Variants in CEP85 observed in about 807,000 individuals in gnomAD.
CEP85 encodes centrosomal protein of 85 kDa.
CEP85 carries 58 observed loss-of-function variants against 93.7 expected under a neutral mutation model. The observed-to-expected ratio is 0.62, with a 90% CI of 0.50 to 0.77. CEP85 has a LOEUF of 0.77. Among genes scored for constraint, CEP85 ranks in the 30% least tolerant of loss-of-function variants. The pLI is 0.00. For synonymous variants in CEP85, 314 were observed against 338.6 expected (o/e 0.93, Z 0.80); for missense variants, 868 against 922.0 (o/e 0.94, Z 0.76).
At chr1:26,259,355 G>A (rs773682440) in intron 6 of CEP85, among the ~76,000 whole-genome samples, 11 of 152,204 alleles carry the variant, frequency 7.2e-5, no homozygotes, top group Non-Finnish European at 1.6e-4. Flanking sequence ...TGGAGCGCTT[G>A]TTAAAATACA....
In CEP85 at chr1:26,277,632, A is replaced by G. The variant is rs745460613; in HGVS notation, c.*339A>G. On this transcript the variant is annotated 3_prime_UTR_variant, in exon 14 of 14. Transcript: ENST00000451429. ...CTTCTCCATCCAATGGGATGGATCC[A>G]TGTTCATTCCCACTTCACACCTTGG... The G allele has an allele frequency of 1.0e-5, 2 of 194,286 alleles. No homozygotes were observed. Among genetic ancestry groups the G allele is most frequent in the Non-Finnish European group, 2.2e-5 (2 of 91,268 alleles). The allele number at this position is 194,286 out of a possible 1,614,324, so 12.0% of individuals were successfully genotyped here. A position where few individuals can be genotyped will look rare whatever the true frequency, so the allele number is the denominator to read the frequency against.
At chr1:26,259,978 T>A (rs906000711) in intron 7 of CEP85, among the ~76,000 whole-genome samples, 176 bp downstream of exon 7, 1 of 152,112 alleles carries the variant, frequency 6.6e-6, no homozygotes, top group Non-Finnish European at 1.5e-5. Context: ...GGAACTCTCC[T>A]CCCTCCCTCA....
At chr1:26,237,312 C>T (rs1241321653) in intron 1 of CEP85, among the ~76,000 whole-genome samples, 1 of 152,124 alleles carries the variant, frequency 6.6e-6, no homozygotes, top group Non-Finnish European at 1.5e-5. Flanking sequence ...AATCTCAGAA[C>T]ATTTTGATCA....
intron 8 of CEP85, 130 bp downstream of exon 8, chr1:26,268,765 A>AT (rs1033413561): frequency 3.2e-6 from 3 of 950,892 alleles, no homozygotes; most frequent in Admixed American, 3.4e-5. Flanking sequence ...TCATGTCCAG[A>AT]TTCATAATTG....
intron 3 of CEP85, among the ~76,000 whole-genome samples, chr1:26,254,362 C>CAAGGGTTGT (rs1485695741): frequency 2.6e-5 from 4 of 151,282 alleles, no homozygotes; most frequent in African/African-American, 9.7e-5. Context: ...TAGGGCTAAT[C>CAAGGGTTGT]AAGGGTTGTC....
chr1:26,271,092 C>T lies in CEP85; in HGVS notation c.1728C>T (p.Tyr576=), dbSNP rs1412708192. The T allele has an allele frequency of 1.1e-5, 17 of 1,609,554 alleles. No homozygotes were observed. The highest frequency in any genetic ancestry group is 2.7e-5 in the African/African-American group (2 of 74,802). The change falls in exon 10 of 14, where the codon TAC becomes TAT. Residue 576 remains tyrosine, a synonymous_variant. Coordinates refer to ENST00000451429, the MANE Select transcript of CEP85 (RefSeq NM_001319944.2). ...AAATGGAGTCCTGGCAGAAGCGATA[C>T]GATTCGCTCCAAAAGGTGACTGAGG... ...EVEMESWQKR[Y]DSLQKIVEKQ...
chr1:26,246,490 T>A (rs1353842477), intron 3 of CEP85, among the ~76,000 whole-genome samples: 1 of 152,082 alleles, frequency 6.6e-6, no homozygotes, highest in Non-Finnish European at 1.5e-5. Context: ...TCCTAGCGCT[T>A]TGGGAGGCCA....
intron 8 of CEP85, 84 bp from the exon 9 acceptor site, chr1:26,269,376 A>G: frequency 1.5e-6 from 2 of 1,378,178 alleles, no homozygotes; most frequent in Non-Finnish European, 2.0e-6. Context: ...TTTGAGTGCT[A>G]TTTCTTTGTG....
At chr1:26,254,946 A>G (rs528319668) in intron 3 of CEP85, 3 of 575,228 alleles carry the variant, frequency 5.2e-6, no homozygotes, top group Admixed American at 3.1e-5. Flanking sequence ...CTAAGTTAAA[A>G]GTGAAGTCAT....
rs776399574 is a variant in CEP85 at position 26,259,639 on chromosome 1, T to C, written c.1178T>C (p.Phe393Ser). Residue 393 changes from phenylalanine (F) to serine (S), a missense_variant, in exon 7 of 14, where the codon TTC becomes TCC. Coordinates refer to ENST00000451429, the MANE Select transcript of CEP85 (RefSeq NM_001319944.2). ...RLQELQRENT[F>S]LRAQFAQKTE... ...CAGGAATTGCAGCGAGAAAACACTTTCTTACGTGCACAGTTTGCACAGAAG... is the reference window on the plus strand; with the variant it reads ...CAGGAATTGCAGCGAGAAAACACTTCCTTACGTGCACAGTTTGCACAGAAG... 9 of 1,608,828 alleles carry C rather than the reference T, an allele frequency of 5.6e-6. No individual in the cohort carries two copies. The African/African-American group carries it at 8.0e-5, about 14-fold the overall frequency.
At chr1:26,273,128 A>G (rs2090002968) in intron 11 of CEP85, among the ~76,000 whole-genome samples, 1 of 152,204 alleles carries the variant, frequency 6.6e-6, no homozygotes, top group Admixed American at 6.5e-5. Context: ...TTTAGGAGGT[A>G]ACATCAAGCG....
At chr1:26,253,013 CT>C (rs2089642823) in intron 3 of CEP85, among the ~76,000 whole-genome samples, 1 of 152,040 alleles carries the variant, frequency 6.6e-6, no homozygotes, top group Admixed American at 6.6e-5. Flanking sequence ...CATTTTGTGC[CT>C]GGCTTATTTC....
At chr1:26,252,182 G>A (rs1051825866) in intron 3 of CEP85, among the ~76,000 whole-genome samples, 2 of 152,032 alleles carry the variant, frequency 1.3e-5, no homozygotes, top group Admixed American at 1.3e-4. Flanking sequence ...GGTGAGCCAA[G>A]ATCGTGCCAC....
chr1:26,238,666 A>G (rs908197193), intron 1 of CEP85, among the ~76,000 whole-genome samples: 7 of 152,222 alleles, frequency 4.6e-5, no homozygotes, highest in African/African-American at 1.4e-4. Flanking sequence ...GTGAATTAAC[A>G]TGAATTAGGT....
chr1:26,261,695 G>T (rs1260737568), intron 7 of CEP85, among the ~76,000 whole-genome samples: 1 of 146,812 alleles, frequency 6.8e-6, no homozygotes. Flanking sequence ...AGGAGTTTAA[G>T]ACAAGCCTGA....
chr1:26,267,569 AG>A (rs2124603159), intron 7 of CEP85, among the ~76,000 whole-genome samples: 1 of 152,244 alleles, frequency 6.6e-6, no homozygotes, highest in South Asian at 2.1e-4. Context: ...TCTCAAAAAA[AG>A]GGGGGTGGGA....
At chr1:26,234,557 G>T (rs143377783) in intron 1 of CEP85, among the ~76,000 whole-genome samples, 2 of 152,238 alleles carry the variant, frequency 1.3e-5, no homozygotes, top group Non-Finnish European at 2.9e-5. Flanking sequence ...TTACCTGCGT[G>T]CCAGGCCCTG....
intron 3 of CEP85, among the ~76,000 whole-genome samples, chr1:26,244,675 C>T (rs1190224788): frequency 6.6e-6 from 1 of 152,050 alleles, no homozygotes; most frequent in Non-Finnish European, 1.5e-5. Context: ...TATGCACCAC[C>T]GTGGCTGGCT....
At chr1:26,268,788 C>T (rs1224653168) in intron 8 of CEP85, among the ~76,000 whole-genome samples, 153 bp downstream of exon 8, 1 of 152,136 alleles carries the variant, frequency 6.6e-6, no homozygotes, top group Non-Finnish European at 1.5e-5. Context: ...AGATTTGTAA[C>T]CAGACTGCAA....
Sources: gnomAD v4.1 joint callset for allele counts (sites outside exome capture counted in the v4.1 genomes callset) on GRCh38, gnomAD v4.1.1 for gene constraint, MANE v1.5 for transcripts, NCBI Gene and HGNC (gene_info 2026-07-23, HGNC 2026-07-21) for gene names.